SEMA3A: variants seen among roughly 807,000 people sequenced by gnomAD.
SEMA3A encodes the protein semaphorin 3A.
In SEMA3A, 29 loss-of-function variants were observed where a neutral mutation model predicts 97.9. The observed-to-expected ratio is 0.30, with a 90% CI of 0.22 to 0.40. The LOEUF is 0.40. Ranked by LOEUF, SEMA3A falls within the 10% of genes least tolerant of loss-of-function variation. SEMA3A has a pLI of 1.00. For missense variants in SEMA3A, 763 were observed against 951.3 expected (o/e 0.80, Z 2.60); for synonymous variants, 321 against 323.7 (o/e 0.99, Z 0.09).
chr7:84,152,695 TA>T (rs969431123), intron 1 of SEMA3A, among the ~76,000 whole-genome samples: 5 of 151,460 alleles, frequency 3.3e-5, no homozygotes, highest in African/African-American at 1.2e-4. Flanking sequence ...AGTATAATAA[TA>T]AAAAATAAAT....
chr7:84,099,208 C>A lies in SEMA3A; in HGVS notation c.453+11262G>T, dbSNP rs1373599341. On this transcript the variant is annotated intron_variant, in intron 4 of 16. Transcript: ENST00000265362. ...GCCTCAGCCTCCCGAGTAGCTGGGA[C>A]TACAGGCGCCCGCTACCACGCCCGG... 2.7e-5 allele frequency among the ~76,000 whole-genome samples: 3 copies of A among 110,862 alleles called. 1 individual carries two copies. The highest frequency in any genetic ancestry group is 6.5e-5 in the Non-Finnish European group (3 of 46,240). 72.7% of individuals were successfully genotyped at this position (110,862 alleles called of 152,430 possible).
chr7:84,128,906 T>C (rs1203788935), intron 3 of SEMA3A, among the ~76,000 whole-genome samples: 1 of 152,098 alleles, frequency 6.6e-6, no homozygotes, highest in Non-Finnish European at 1.5e-5. Context: ...AAAATAAAAT[T>C]ACCTTTAGGC....
At chr7:84,304,801 A>G (rs1250218220) in intron 3 of SEMA3A, among the ~76,000 whole-genome samples, 1 of 152,072 alleles carries the variant, frequency 6.6e-6, no homozygotes, top group East Asian at 1.9e-4. Context: ...AACTTAAAAT[A>G]GCAAATTATA....
chr7:83,978,963 A>G (rs960303332), intron 14 of SEMA3A, among the ~76,000 whole-genome samples: 3 of 152,196 alleles, frequency 2.0e-5, no homozygotes, highest in Non-Finnish European at 4.4e-5. Context: ...TACTTTTCAA[A>G]TATGTAATAA....
intron 3 of SEMA3A, among the ~76,000 whole-genome samples, chr7:84,251,769 A>C (rs1799615785): frequency 6.6e-6 from 1 of 152,172 alleles, no homozygotes; most frequent in Non-Finnish European, 1.5e-5. Flanking sequence ...GAATCTGTAG[A>C]ATTCTTACAA....
At chr7:84,420,423 A>T (rs1054930208) in intron 1 of SEMA3A, among the ~76,000 whole-genome samples, 1 of 152,070 alleles carries the variant, frequency 6.6e-6, no homozygotes, top group African/African-American at 2.4e-5. Context: ...TAAAAAATTC[A>T]CTAGAGTGCT....
chr7:84,197,559 C>T (rs1295485828), upstream of SEMA3A, among the ~76,000 whole-genome samples: 1 of 151,166 alleles, frequency 6.6e-6, no homozygotes, highest in Admixed American at 6.6e-5. Context: ...AATTGTTTAA[C>T]TTTTTTTTTC....
chr7:84,138,505 G>T (rs1376527230), intron 1 of SEMA3A, among the ~76,000 whole-genome samples: 2 of 152,012 alleles, frequency 1.3e-5, no homozygotes, highest in Non-Finnish European at 2.9e-5. Flanking sequence ...AATTAGTTTG[G>T]ACAGAATTAC....
At chr7:84,088,221 C>A (rs577831093) in intron 4 of SEMA3A, among the ~76,000 whole-genome samples, 4 of 151,940 alleles carry the variant, frequency 2.6e-5, no homozygotes, top group African/African-American at 9.7e-5. Flanking sequence ...TTTGGGAGGC[C>A]GAGGCGGGTG....
At chr7:84,292,434 TAA>T (rs768960520) in intron 3 of SEMA3A, among the ~76,000 whole-genome samples, 55 of 141,502 alleles carry the variant, frequency 3.9e-4, no homozygotes, top group African/African-American at 1.4e-3. Flanking sequence ...AATACTTGAC[TAA>T]AAAAAAAAAA....
intron 1 of SEMA3A, among the ~76,000 whole-genome samples, chr7:84,154,154 T>C (rs913435862): frequency 2.6e-5 from 4 of 152,142 alleles, no homozygotes; most frequent in Admixed American, 6.6e-5. Context: ...TTTTTTAATA[T>C]ATAGTGCAAC....
intron 15 of SEMA3A, 34 bp from the exon 16 acceptor site, chr7:83,963,381 A>G (rs1413544190): frequency 6.3e-7 from 1 of 1,584,672 alleles, no homozygotes; most frequent in African/African-American, 1.3e-5. Flanking sequence ...ATGAGAAAAT[A>G]TTAGAGAAGT....
intron 1 of SEMA3A, among the ~76,000 whole-genome samples, chr7:84,468,092 A>G (rs1247656905): frequency 6.6e-6 from 1 of 152,202 alleles, no homozygotes. Flanking sequence ...GAAATAATCT[A>G]GTCCAACGAA....
intron 3 of SEMA3A, among the ~76,000 whole-genome samples, chr7:84,209,458 A>G (rs1303779940): frequency 6.6e-6 from 1 of 152,174 alleles, no homozygotes; most frequent in Non-Finnish European, 1.5e-5. Flanking sequence ...GGCACTAACC[A>G]ATTATGTGTT....
intron 12 of SEMA3A, among the ~76,000 whole-genome samples, chr7:83,996,755 G>A (rs771861972): frequency 4.6e-5 from 7 of 152,094 alleles, no homozygotes; most frequent in Non-Finnish European, 8.8e-5. Flanking sequence ...GTTTATGATT[G>A]CAAATCATTT....
chr7:84,478,916 G>A (rs1249371414), intron 1 of SEMA3A, among the ~76,000 whole-genome samples: 1 of 152,042 alleles, frequency 6.6e-6, no homozygotes, highest in Non-Finnish European at 1.5e-5. Flanking sequence ...TGACACGCCT[G>A]TGATTATCAA....
intron 1 of SEMA3A, among the ~76,000 whole-genome samples, chr7:84,478,360 T>C (rs1806356763): frequency 2.6e-5 from 4 of 152,192 alleles, no homozygotes; most frequent in Admixed American, 2.6e-4. Flanking sequence ...CTTACTGTTT[T>C]CACCCCAAGG....
At chr7:84,296,173 T>A (rs1305595070) in intron 3 of SEMA3A, among the ~76,000 whole-genome samples, 1 of 152,150 alleles carries the variant, frequency 6.6e-6, no homozygotes, top group African/African-American at 2.4e-5. Flanking sequence ...CTGGGATTAG[T>A]GTAAAATATG....
intron 15 of SEMA3A, among the ~76,000 whole-genome samples, chr7:83,969,053 C>T (rs1035953904): frequency 1.8e-4 from 27 of 151,978 alleles, no homozygotes; most frequent in Non-Finnish European, 2.8e-4. Context: ...TCAGGTGATC[C>T]GCCTGCCTCA....
Sources: gnomAD v4.1 joint callset for allele counts (sites outside exome capture counted in the v4.1 genomes callset) on GRCh38, gnomAD v4.1.1 for gene constraint, MANE v1.5 for transcripts, NCBI Gene and HGNC (gene_info 2026-07-23, HGNC 2026-07-21) for gene names.